Variants in GRAMD1B observed in about 807,000 individuals in gnomAD.
GRAMD1B encodes the protein protein Aster-B.
Under a neutral mutation model 99.7 loss-of-function variants are expected in GRAMD1B, and 37 were observed. The observed-to-expected ratio is 0.37, with a 90% CI of 0.29 to 0.49. The LOEUF (loss-of-function observed/expected upper bound fraction) is 0.49. GRAMD1B is among the 20% of genes least tolerant of loss of function. GRAMD1B has a pLI of 0.98. For synonymous variants in GRAMD1B, 427 were observed against 387.6 expected (o/e 1.10, Z -1.19); for missense variants, 888 against 1,009.2 (o/e 0.88, Z 1.63).
At chr11:123,467,333 A>AATACTCATAGATAATTCAGAAAG (rs1337883128) in intron 1 of GRAMD1B, among the ~76,000 whole-genome samples, 4 of 152,076 alleles carry the variant, frequency 2.6e-5, no homozygotes, top group Non-Finnish European at 5.9e-5. Flanking sequence ...TTAAAAAATT[A>AATACTCATAGATAATTCAGAAAG]ATACTCATAG....
chr11:123,575,231 G>A (rs1167930344), intron 2 of GRAMD1B, among the ~76,000 whole-genome samples: 7 of 152,278 alleles, frequency 4.6e-5, no homozygotes, highest in African/African-American at 1.7e-4. Flanking sequence ...CAGGGATTCT[G>A]GGTTTGGGGA....
chr11:123,370,176 A>G (rs1187904051), intron 1 of GRAMD1B, among the ~76,000 whole-genome samples: 2 of 151,462 alleles, frequency 1.3e-5, no homozygotes, highest in Non-Finnish European at 2.9e-5. Context: ...TTAGCTGGGG[A>G]TGGTGATGCA....
chr11:123,611,899 G>A (rs1178145619), intron 14 of GRAMD1B, among the ~76,000 whole-genome samples: 3 of 152,188 alleles, frequency 2.0e-5, no homozygotes, highest in South Asian at 2.1e-4. Context: ...TCTATTGACA[G>A]ATGCAGATGA....
chr11:123,466,399 AAAG>A (rs1489145036), intron 1 of GRAMD1B, among the ~76,000 whole-genome samples: 2 of 151,630 alleles, frequency 1.3e-5, no homozygotes, highest in African/African-American at 4.9e-5. Flanking sequence ...AAAGAAAAAG[AAAG>A]AAAGGAAGAA....
chr11:123,480,964 T>C, intron 2 of GRAMD1B, 71 bp downstream of exon 2: 1 of 398,206 alleles, frequency 2.5e-6, no homozygotes, highest in Non-Finnish European at 4.4e-6. Context: ...TTGAGGAAGA[T>C]TGTGCCTCTG....
At chr11:123,406,220 G>T (rs1183641077) in intron 1 of GRAMD1B, among the ~76,000 whole-genome samples, 1 of 149,962 alleles carries the variant, frequency 6.7e-6, no homozygotes, top group Non-Finnish European at 1.5e-5. Flanking sequence ...TAAAGTTCTG[G>T]GATTACAGGT....
chr11:123,478,316 A>G (rs1951408064), intron 1 of GRAMD1B, among the ~76,000 whole-genome samples: 1 of 152,212 alleles, frequency 6.6e-6, no homozygotes, highest in Non-Finnish European at 1.5e-5. Context: ...CTGGTTCCAT[A>G]CTGTAGACTC....
intron 2 of GRAMD1B, among the ~76,000 whole-genome samples, chr11:123,543,341 G>C (rs1360597449): frequency 6.6e-6 from 1 of 152,208 alleles, no homozygotes; most frequent in Non-Finnish European, 1.5e-5. Context: ...TTTCTGAGAT[G>C]TGTAGCTGTT....
intron 1 of GRAMD1B, among the ~76,000 whole-genome samples, chr11:123,392,193 G>A (rs965400635): frequency 1.3e-5 from 2 of 152,060 alleles, no homozygotes; most frequent in Non-Finnish European, 2.9e-5. Flanking sequence ...GAATGAGTAA[G>A]TTAGAAAGGG....
rs367865749 is a variant in GRAMD1B at position 123,419,562 on chromosome 11, T to A, written c.-176+60763T>A. Among the ~76,000 whole-genome samples, 158 of 152,214 alleles carry A rather than the reference T, an allele frequency of 1.0e-3. 5 individuals are homozygous for A. The South Asian group carries it at 0.032, about 31-fold the overall frequency. ...AGGAGGATTGCCTGAGGCCAGGAGTTCGAGGCTGCAGTAAACTATGATTGT... is the reference window on the plus strand; with the variant it reads ...AGGAGGATTGCCTGAGGCCAGGAGTACGAGGCTGCAGTAAACTATGATTGT... On this transcript the variant is annotated intron_variant, in intron 1 of 20. Transcript: ENST00000638157.
rs1951534738 is a variant in GRAMD1B at position 123,598,292 on chromosome 11, G to A, written c.970-2176G>A. On this transcript the variant is annotated intron_variant, in intron 7 of 19. Coordinates refer to ENST00000635736, the MANE Select transcript of GRAMD1B (RefSeq NM_001387025.1). ...AGCCAGTAGGGAATGGGTTTGCCAAGTGGCCAAGTGGCAGGTTTTTGGGGT... is the reference window on the plus strand; with the variant it reads ...AGCCAGTAGGGAATGGGTTTGCCAAATGGCCAAGTGGCAGGTTTTTGGGGT... The A allele has an allele frequency of 5.4e-6, 7 of 1,294,882 alleles. No homozygotes were observed. The Admixed American group carries it at 8.4e-5, about 16-fold the overall frequency. The allele number at this position is 1,294,882 out of a possible 1,614,324, so 80.2% of individuals were successfully genotyped here.
rs548760854 is a variant in GRAMD1B, at chr11:123,498,017, C to A, written c.452+17124C>A. ...GAGGAGCCTCTCCCTGTGGCCACCA[C>A]CACCGGCCAACAGGGGGTTTTGCCA... On this transcript the variant is annotated intron_variant, in intron 2 of 19. Transcript: ENST00000635736. 4.6e-5 allele frequency among the ~76,000 whole-genome samples: 7 copies of A among 152,334 alleles called. No homozygotes were observed. In the East Asian group the frequency reaches 9.6e-4, roughly 21 times the overall value.
At chr11:123,497,414 G>A (rs1345278387) in intron 2 of GRAMD1B, among the ~76,000 whole-genome samples, 1 of 152,160 alleles carries the variant, frequency 6.6e-6, no homozygotes. Flanking sequence ...CTGTAACCAT[G>A]ACCTGGCTAC....
At chr11:123,511,195 A>G (rs773742664) in intron 2 of GRAMD1B, among the ~76,000 whole-genome samples, 1 of 152,070 alleles carries the variant, frequency 6.6e-6, no homozygotes, top group African/African-American at 2.4e-5. Flanking sequence ...CTGTTGTATA[A>G]GGAATGGGTG....
chr11:123,578,438 A>G (rs1592100339), intron 3 of GRAMD1B: 5 of 1,524,238 alleles, frequency 3.3e-6, no homozygotes, highest in Non-Finnish European at 4.4e-6. Context: ...AAAGTAAGCC[A>G]TCTTTTGTCT....
At chr11:123,456,786 G>C (rs1344123015) in intron 1 of GRAMD1B, among the ~76,000 whole-genome samples, 2 of 151,732 alleles carry the variant, frequency 1.3e-5, no homozygotes, top group Non-Finnish European at 2.9e-5. Context: ...CAGGTGTGGT[G>C]GTGCACACCT....
chr11:123,420,962 C>A (rs1948412490), intron 1 of GRAMD1B, among the ~76,000 whole-genome samples: 1 of 152,208 alleles, frequency 6.6e-6, no homozygotes, highest in African/African-American at 2.4e-5. Context: ...TGAAACATTT[C>A]TAATCTATAC....
intron 1 of GRAMD1B, among the ~76,000 whole-genome samples, chr11:123,412,755 C>T (rs60584339): frequency 4.1e-5 from 6 of 145,762 alleles, no homozygotes; most frequent in African/African-American, 1.6e-4. Flanking sequence ...CCCATATGCC[C>T]TCTCTTCATT....
chr11:123,599,157 G>A lies in GRAMD1B; in HGVS notation c.970-1311G>A, dbSNP rs867025940. On this transcript the variant is annotated intron_variant, in intron 7 of 19. Coordinates refer to ENST00000635736, the MANE Select transcript of GRAMD1B (RefSeq NM_001387025.1). ...TGACATTGCCACATAGATCTCATTT[G>A]GGTGCTTCCGGTGGAATTCCTTTAT... 35 of 786,942 alleles carry A rather than the reference G, an allele frequency of 4.4e-5. No individual in the cohort carries two copies. The Middle Eastern group carries it at 8.2e-4, about 18-fold the overall frequency. 48.7% of individuals were successfully genotyped at this position (786,942 alleles called of 1,614,324 possible).
Sources: gnomAD v4.1 joint callset for allele counts (sites outside exome capture counted in the v4.1 genomes callset) on GRCh38, gnomAD v4.1.1 for gene constraint, MANE v1.5 for transcripts, NCBI Gene and HGNC (gene_info 2026-07-23, HGNC 2026-07-21) for gene names.